XPR1: variants seen among roughly 807,000 people sequenced by gnomAD.
XPR1 encodes xenotropic and polytropic retrovirus receptor 1.
In XPR1, 28 loss-of-function variants were observed where a neutral mutation model predicts 87.5. That is an observed-to-expected ratio of 0.32 (90% CI 0.24 to 0.44). The LOEUF is 0.44. XPR1 is among the 20% of genes least tolerant of loss of function. The pLI is 1.00. For missense variants in XPR1, 559 were observed against 862.3 expected, an observed-to-expected ratio of 0.65 and a Z score of 4.41; for synonymous variants, 300 against 306.1, an observed-to-expected ratio of 0.98 and a Z score of 0.21.
chr1:180,790,566 G>T (rs1182734343), intron 3 of XPR1, among the ~76,000 whole-genome samples: 2 of 152,134 alleles, frequency 1.3e-5, no homozygotes. Flanking sequence ...TTGAGACGGA[G>T]TCTCACTCTG....
At chr1:180,849,051 GTATAA>G (rs1651781936) in intron 11 of XPR1, among the ~76,000 whole-genome samples, 1 of 152,146 alleles carries the variant, frequency 6.6e-6, no homozygotes. Context: ...ACACATGTGC[GTATAA>G]TATGTCACTC....
At chr1:180,651,271 T>A (rs2101904283) in intron 1 of XPR1, among the ~76,000 whole-genome samples, 1 of 152,252 alleles carries the variant, frequency 6.6e-6, no homozygotes, top group South Asian at 2.1e-4. Context: ...TGTGTATTTT[T>A]AGTAGAGGCG....
chr1:180,764,408 A>T (rs1214695681), intron 2 of XPR1, among the ~76,000 whole-genome samples: 1 of 152,110 alleles, frequency 6.6e-6, no homozygotes, highest in African/African-American at 2.4e-5. Flanking sequence ...ATTTTGGAAG[A>T]GGGTACTAAA....
In XPR1 at chr1:180,669,004, G is replaced by T. The variant is rs781052980; in HGVS notation, c.70-13356G>T. Among the ~76,000 whole-genome samples, 12 of 151,314 alleles carry T rather than the reference G, an allele frequency of 7.9e-5. No homozygotes were observed. The South Asian group carries it at 1.0e-3, about 13-fold the overall frequency. On this transcript the variant is annotated intron_variant, in intron 1 of 14. Transcript: ENST00000367590. ...CTTGGGAGGCTGAGGCAGGAGAATC[G>T]CTTGAACCCGGGAGGCAGAGGTTGC...
At chr1:180,749,921 G>A (rs1048653933) in intron 2 of XPR1, among the ~76,000 whole-genome samples, 17 of 152,148 alleles carry the variant, frequency 1.1e-4, no homozygotes, top group African/African-American at 4.1e-4. Context: ...AAGGGCAAAT[G>A]AAGGGTTGAG....
chr1:180,729,262 T>C (rs1272803606), intron 2 of XPR1, among the ~76,000 whole-genome samples: 1 of 152,234 alleles, frequency 6.6e-6, no homozygotes, highest in Non-Finnish European at 1.5e-5. Flanking sequence ...TTTAGGTTGA[T>C]TCCCTGTCTT....
At chr1:180,762,417 G>A (rs182990619) in intron 2 of XPR1, among the ~76,000 whole-genome samples, 1 of 152,072 alleles carries the variant, frequency 6.6e-6, no homozygotes, top group East Asian at 1.9e-4. Flanking sequence ...TAGAAAAACT[G>A]CATAAAGCTA....
intron 13 of XPR1, among the ~76,000 whole-genome samples, chr1:180,877,017 T>C (rs1436615952): frequency 6.6e-6 from 1 of 152,246 alleles, no homozygotes; most frequent in African/African-American, 2.4e-5. Context: ...TCTGAATACA[T>C]GGTCAACATA....
At chr1:180,672,151 A>G (rs1656202515) in intron 1 of XPR1, among the ~76,000 whole-genome samples, 1 of 152,226 alleles carries the variant, frequency 6.6e-6, no homozygotes. Context: ...ATAACATGAC[A>G]TATTCCAAAT....
At chr1:180,763,855 C>T (rs1439605439) in intron 2 of XPR1, among the ~76,000 whole-genome samples, 1 of 152,180 alleles carries the variant, frequency 6.6e-6, no homozygotes, top group African/African-American at 2.4e-5. Flanking sequence ...CCCTCAGTTG[C>T]TTCCAATATT....
chr1:180,837,154 G>T (rs1190540038), intron 11 of XPR1, among the ~76,000 whole-genome samples: 2 of 152,096 alleles, frequency 1.3e-5, no homozygotes, highest in East Asian at 3.8e-4. Context: ...TGCAAATTGA[G>T]TTCTCTGATT....
At chr1:180,811,320 G>A (rs772544635) in intron 6 of XPR1, 87 bp from the exon 7 acceptor site, 15 of 1,056,296 alleles carry the variant, frequency 1.4e-5, no homozygotes, top group Non-Finnish European at 2.0e-5. Context: ...GTAGAACTTT[G>A]AGACTCATTC....
intron 2 of XPR1, among the ~76,000 whole-genome samples, chr1:180,704,028 T>G (rs888272050): frequency 4.0e-5 from 6 of 151,838 alleles, no homozygotes; most frequent in African/African-American, 1.5e-4. Flanking sequence ...TTATTATTGT[T>G]GTTGTTATTT....
At chr1:180,859,608 A>G (rs1392225487) in intron 11 of XPR1, among the ~76,000 whole-genome samples, 1 of 152,194 alleles carries the variant, frequency 6.6e-6, no homozygotes, top group Non-Finnish European at 1.5e-5. Context: ...AATGGTAGTA[A>G]TTAAAATGAG....
intron 6 of XPR1, among the ~76,000 whole-genome samples, chr1:180,807,788 T>G (rs1650054997): frequency 6.6e-6 from 1 of 152,150 alleles, no homozygotes; most frequent in Admixed American, 6.5e-5. Context: ...GTGGATCACT[T>G]GAGGCCAGGA....
chr1:180,776,956 T>C (rs1245322833), intron 2 of XPR1, among the ~76,000 whole-genome samples: 2 of 152,228 alleles, frequency 1.3e-5, no homozygotes, highest in African/African-American at 4.8e-5. Context: ...CAGAAAATCT[T>C]GTGTAGGGAC....
At chr1:180,784,998 C>CGTGTGTGTGTTTGTGT (rs1649081114) in intron 2 of XPR1, among the ~76,000 whole-genome samples, 2 of 55,266 alleles carry the variant, frequency 3.6e-5, no homozygotes, top group East Asian at 3.7e-4. Context: ...TAGTTTTTTT[C>CGTGTGTGTGTTTGTGT]GTGTGTGTGT....
Position 180,806,467 on chromosome 1 carries a change from T to C in XPR1, c.598-7T>C, listed in dbSNP as rs1187887035. The C allele has an allele frequency of 6.2e-7, 1 of 1,612,398 alleles. No individual in the cohort carries two copies. ...CCTAACCAAAATGTAATAATTTGTCTTTCTAGGCTGTAGTGACCAATGAAC... is the reference window on the plus strand; with the variant it reads ...CCTAACCAAAATGTAATAATTTGTCCTTCTAGGCTGTAGTGACCAATGAAC... On this transcript the variant is annotated splice_polypyrimidine_tract_variant and splice_region_variant and intron_variant, in intron 5 of 14. Transcript: ENST00000367590.
intron 11 of XPR1, among the ~76,000 whole-genome samples, chr1:180,839,375 C>T (rs1482591933): frequency 6.6e-6 from 1 of 152,128 alleles, no homozygotes; most frequent in Admixed American, 6.5e-5. Flanking sequence ...TTTAGAAGCT[C>T]TTTGTCTAAT....
Sources: gnomAD v4.1 joint callset for allele counts (sites outside exome capture counted in the v4.1 genomes callset) on GRCh38, gnomAD v4.1.1 for gene constraint, MANE v1.5 for transcripts, NCBI Gene and HGNC (gene_info 2026-07-23, HGNC 2026-07-21) for gene names.